PDE10A: variants seen among roughly 807,000 people sequenced by gnomAD.
PDE10A encodes the protein cAMP and cAMP-inhibited cGMP 3',5'-cyclic phosphodiesterase 10A.
In PDE10A, 39 loss-of-function variants were observed where a neutral mutation model predicts 97.7. The ratio of observed to expected loss-of-function variants is 0.40; its 90% CI spans 0.31 to 0.52. PDE10A has a LOEUF of 0.52. Ranked by LOEUF, PDE10A falls within the 20% of genes least tolerant of loss-of-function variation. PDE10A has a pLI of 0.56. For missense variants in PDE10A, 731 were observed against 1,047.8 expected, an observed-to-expected ratio of 0.70 and a Z score of 4.17; for synonymous variants, 371 against 376.8, an observed-to-expected ratio of 0.98 and a Z score of 0.18.
At chr6:165,708,340 CCT>C (rs1024894620) in intron 1 of PDE10A, among the ~76,000 whole-genome samples, 1 of 152,102 alleles carries the variant, frequency 6.6e-6, no homozygotes, top group Non-Finnish European at 1.5e-5. Flanking sequence ...CTCACTGTGC[CCT>C]GTTTGCTGAG....
intron 17 of PDE10A, among the ~76,000 whole-genome samples, chr6:165,382,850 C>G (rs1386782832): frequency 6.6e-6 from 1 of 151,984 alleles, no homozygotes. Context: ...ATTTGATAGC[C>G]AAATACCTTT....
intron 1 of PDE10A, among the ~76,000 whole-genome samples, chr6:165,740,138 C>A (rs1792681451): frequency 6.6e-6 from 1 of 152,096 alleles, no homozygotes; most frequent in Non-Finnish European, 1.5e-5. Flanking sequence ...AAAATCAGCA[C>A]CTTGAAGAGA....
At chr6:165,619,574 C>CTAGTG (rs1788006152) in intron 1 of PDE10A, among the ~76,000 whole-genome samples, 1 of 140,644 alleles carries the variant, frequency 7.1e-6, no homozygotes, top group African/African-American at 2.9e-5. Flanking sequence ...ATACTGTAGT[C>CTAGTG]TAGCGTAGTG....
At chr6:165,812,989 T>C (rs1009437981) in intron 1 of PDE10A, among the ~76,000 whole-genome samples, 1 of 152,220 alleles carries the variant, frequency 6.6e-6, no homozygotes, top group African/African-American at 2.4e-5. Flanking sequence ...TTTCTGTGTC[T>C]GCTTAGAATT....
At chr6:165,694,425 G>A (rs1363964837) in intron 1 of PDE10A, among the ~76,000 whole-genome samples, 2 of 152,214 alleles carry the variant, frequency 1.3e-5, no homozygotes, top group Non-Finnish European at 2.9e-5. Flanking sequence ...TTTGGCATGG[G>A]GCAGAGCAGC....
intron 1 of PDE10A, among the ~76,000 whole-genome samples, chr6:165,834,194 A>C (rs78349649): frequency 6.6e-6 from 1 of 152,326 alleles, no homozygotes; most frequent in Non-Finnish European, 1.5e-5. Flanking sequence ...AGACTCCTCA[A>C]CCAGTTGGGG....
At chr6:165,780,749 C>T (rs1778319750) in intron 1 of PDE10A, 1 of 152,272 alleles carries the variant, frequency 6.6e-6, no homozygotes, top group Non-Finnish European at 1.5e-5. Context: ...AGCTGTTGGC[C>T]TTGAACTTGC....
intron 1 of PDE10A, among the ~76,000 whole-genome samples, chr6:165,654,307 G>A (rs966025352): frequency 1.3e-5 from 2 of 152,092 alleles, no homozygotes; most frequent in African/African-American, 4.8e-5. Flanking sequence ...GTCTCAGCAA[G>A]GCTGGGCCAT....
chr6:165,749,107 G>A (rs929014954), intron 1 of PDE10A, among the ~76,000 whole-genome samples: 6 of 116,240 alleles, frequency 5.2e-5, no homozygotes, highest in South Asian at 2.7e-4. Flanking sequence ...AGTTAATCAC[G>A]TAAGGAGAGA....
intron 1 of PDE10A, among the ~76,000 whole-genome samples, chr6:165,702,936 C>T (rs1180214987): frequency 1.3e-5 from 2 of 152,186 alleles, no homozygotes; most frequent in Non-Finnish European, 2.9e-5. Flanking sequence ...AGCAGATGGG[C>T]GGTGACCCAC....
chr6:165,549,353 C>A (rs1166341683), intron 1 of PDE10A, among the ~76,000 whole-genome samples: 1 of 152,124 alleles, frequency 6.6e-6, no homozygotes, highest in Non-Finnish European at 1.5e-5. Context: ...GAGACAGAGT[C>A]TCTCTGTGTC....
At chr6:165,943,376 G>A (rs1442464330) in intron 1 of PDE10A, among the ~76,000 whole-genome samples, 2 of 94,612 alleles carry the variant, frequency 2.1e-5, no homozygotes, top group East Asian at 2.9e-4. Flanking sequence ...GAAAGAAAAC[G>A]AACGAACTGA....
intron 1 of PDE10A, among the ~76,000 whole-genome samples, chr6:165,938,767 C>A (rs1783420900): frequency 6.6e-6 from 1 of 152,134 alleles, no homozygotes; most frequent in African/African-American, 2.4e-5. Flanking sequence ...ACAACACACA[C>A]ACACACACAC....
chr6:165,791,481 C>T (rs185163059), intron 1 of PDE10A, among the ~76,000 whole-genome samples: 4 of 152,248 alleles, frequency 2.6e-5, no homozygotes, highest in East Asian at 1.9e-4. Flanking sequence ...GGCGCTGCCA[C>T]GGTCCTCTGA....
At chr6:165,676,514 C>T (rs1790799649) in intron 1 of PDE10A, among the ~76,000 whole-genome samples, 1 of 152,038 alleles carries the variant, frequency 6.6e-6, no homozygotes, top group Admixed American at 6.5e-5. Flanking sequence ...CGGCTGGGGC[C>T]TCATTGAGAA....
intron 1 of PDE10A, among the ~76,000 whole-genome samples, chr6:165,704,103 CT>C: frequency 6.6e-6 from 1 of 152,308 alleles, no homozygotes. Context: ...ATGTTGTATC[CT>C]AACAGAGAAA....
intron 1 of PDE10A, among the ~76,000 whole-genome samples, chr6:165,937,089 A>G (rs939165846): frequency 1.6e-4 from 24 of 152,148 alleles, no homozygotes; most frequent in Non-Finnish European, 3.4e-4. Flanking sequence ...TTTTGCCCCA[A>G]AACAGGCAGT....
chr6:165,519,901 G>A (rs1459769638), intron 2 of PDE10A, among the ~76,000 whole-genome samples: 3 of 152,164 alleles, frequency 2.0e-5, no homozygotes, highest in African/African-American at 7.2e-5. Flanking sequence ...AGTCCTATCT[G>A]ACAGTTATCT....
intron 1 of PDE10A, among the ~76,000 whole-genome samples, chr6:165,923,319 A>G (rs1782810288): frequency 2.0e-5 from 3 of 152,258 alleles, no homozygotes. Context: ...TTCTTAAGAC[A>G]AAACTCTGTG....
Sources: gnomAD v4.1 joint callset for allele counts (sites outside exome capture counted in the v4.1 genomes callset) on GRCh38, gnomAD v4.1.1 for gene constraint, MANE v1.5 for transcripts, NCBI Gene and HGNC (gene_info 2026-07-23, HGNC 2026-07-21) for gene names.